The following VWA8 variants were observed in gnomAD, a reference collection of about 807,000 sequenced individuals.
The protein encoded by VWA8 is von Willebrand factor A domain-containing protein 8.
A neutral mutation model predicts 241.5 loss-of-function variants in VWA8; 221 were observed. The observed-to-expected ratio is 0.91, with a 90% CI of 0.82 to 1.02. VWA8 has a LOEUF of 1.02. VWA8 is among the 50% of genes least tolerant of loss of function. The pLI is 0.00. For synonymous variants in VWA8, 852 were observed against 827.1 expected (o/e 1.03, Z -0.52); for missense variants, 2,322 against 2,328.7 (o/e 1.00, Z 0.06).
rs918209245 is a variant in VWA8, at chr13:41,891,552, G to C, written c.519C>G (p.Leu173=). The C allele has an allele frequency of 6.2e-7, 1 of 1,614,026 alleles. No homozygotes were observed. The highest frequency in any genetic ancestry group is 1.3e-5 in the African/African-American group (1 of 74,934). The part of the protein sequence containing the change: ...AVRAATEGRT[L]ILEGLEKAER... ...CTGCCTTTTCCAAACCTTCCAAAATGAGAGTTCTGCCTTCTGTGGCTGCAC... is the reference window on the plus strand; with the variant it reads ...CTGCCTTTTCCAAACCTTCCAAAATCAGAGTTCTGCCTTCTGTGGCTGCAC... The change falls in exon 5 of 45, where the codon CTC becomes CTG. Residue 173 remains leucine (L), a synonymous_variant. Transcript: ENST00000379310.
At chr13:41,690,019 T>C (rs1316685110) in intron 33 of VWA8, 147 bp downstream of exon 33, 1 of 564,088 alleles carries the variant, frequency 1.8e-6, no homozygotes, top group African/African-American at 1.9e-5. Context: ...TAGATTCTTA[T>C]TTACTATTTC....
intron 20 of VWA8, among the ~76,000 whole-genome samples, chr13:41,771,724 G>A (rs1457968127): frequency 6.6e-6 from 1 of 151,714 alleles, no homozygotes; most frequent in African/African-American, 2.4e-5. Context: ...GACTACAGGT[G>A]CATGCCACCA....
Position 41,573,506 on chromosome 13 carries a change from T to C in VWA8, c.5370+2234A>G, listed in dbSNP as rs868288557. On this transcript the variant is annotated intron_variant, in intron 43 of 44. Transcript: ENST00000379310. ...AAAAAAATATATATATATATATATA[T>C]ACCTCTCTCTATATATACGTGTATA... is the stretch of plus-strand genomic sequence containing the variant. 2.7e-4 allele frequency among the ~76,000 whole-genome samples: 38 copies of C among 141,638 alleles called. 1 individual carries two copies. The highest frequency in any genetic ancestry group is 5.6e-4 in the African/African-American group (21 of 37,390). The allele number at this position is 141,638 out of a possible 152,430, so 92.9% of individuals were successfully genotyped here. A position where few individuals can be genotyped will look rare whatever the true frequency, so the allele number is the denominator to read the frequency against.
At chr13:41,777,932 T>A in intron 20 of VWA8, 53 bp downstream of exon 20, 1 of 1,459,324 alleles carries the variant, frequency 6.9e-7, no homozygotes, top group Non-Finnish European at 9.4e-7. Flanking sequence ...TTACTGCTTT[T>A]AAATTGTTAC....
chr13:41,671,622 G>A (rs1486598905), intron 36 of VWA8, among the ~76,000 whole-genome samples: 1 of 152,056 alleles, frequency 6.6e-6, no homozygotes, highest in Non-Finnish European at 1.5e-5. Flanking sequence ...ACTTTTGGAG[G>A]TAGTTAGGCT....
intron 26 of VWA8, among the ~76,000 whole-genome samples, chr13:41,717,830 AT>A (rs768899584): frequency 5.9e-5 from 9 of 152,024 alleles, no homozygotes; most frequent in Non-Finnish European, 1.0e-4. Context: ...GCTTAAGTCT[AT>A]TTCTAGCTAT....
At chr13:41,626,699 A>C (rs1049909769) in intron 37 of VWA8, among the ~76,000 whole-genome samples, 1 of 152,154 alleles carries the variant, frequency 6.6e-6, no homozygotes, top group Admixed American at 6.6e-5. Context: ...ATGGTGCTGG[A>C]ATAACTGGCT....
chr13:41,623,704 G>A (rs192028436), intron 37 of VWA8, among the ~76,000 whole-genome samples: 1 of 152,236 alleles, frequency 6.6e-6, no homozygotes, highest in Non-Finnish European at 1.5e-5. Flanking sequence ...TATGTGTGTG[G>A]TGCATCTAGT....
intron 43 of VWA8, among the ~76,000 whole-genome samples, chr13:41,574,281 T>C (rs908355765): frequency 6.6e-6 from 1 of 151,392 alleles, no homozygotes; most frequent in African/African-American, 2.4e-5. Context: ...ATGCCAACAA[T>C]GACCAAGCTG....
intron 40 of VWA8, among the ~76,000 whole-genome samples, chr13:41,604,017 G>A (rs932474665): frequency 1.3e-5 from 2 of 152,026 alleles, no homozygotes; most frequent in African/African-American, 2.4e-5. Context: ...GGTGTGCATC[G>A]AGAACTTAAG....
chr13:41,876,845 T>C (rs532581884), intron 9 of VWA8, among the ~76,000 whole-genome samples: 1 of 152,172 alleles, frequency 6.6e-6, no homozygotes, highest in African/African-American at 2.4e-5. Flanking sequence ...GCAGTTCTGC[T>C]TCTATCTCTA....
At chr13:41,731,999 A>C in intron 22 of VWA8, 81 bp downstream of exon 22, 1 of 1,195,260 alleles carries the variant, frequency 8.4e-7, no homozygotes, top group Non-Finnish European at 1.2e-6. Context: ...GTAATCCATG[A>C]GAGTTCCATC....
At chr13:41,751,078 C>G (rs1229962978) in intron 21 of VWA8, among the ~76,000 whole-genome samples, 1 of 151,792 alleles carries the variant, frequency 6.6e-6, no homozygotes, top group Non-Finnish European at 1.5e-5. Context: ...TAAGAAGTTA[C>G]AGTTTGAAAA....
At chr13:41,752,313 A>G (rs896763487) in intron 21 of VWA8, among the ~76,000 whole-genome samples, 1 of 152,082 alleles carries the variant, frequency 6.6e-6, no homozygotes, top group African/African-American at 2.4e-5. Context: ...ACCTTCTACC[A>G]TATCACAGAC....
intron 2 of VWA8, among the ~76,000 whole-genome samples, chr13:41,932,794 A>C (rs2138142597): frequency 6.6e-6 from 1 of 151,974 alleles, no homozygotes. Flanking sequence ...AACTCTAAGC[A>C]AACTATGAAT....
intron 3 of VWA8, among the ~76,000 whole-genome samples, chr13:41,908,677 C>T (rs1875843360): frequency 2.0e-5 from 3 of 152,128 alleles, no homozygotes; most frequent in African/African-American, 7.2e-5. Context: ...GAAGAGGAAA[C>T]GATGCAGAAT....
chr13:41,893,299 T>A (rs1874934172), intron 4 of VWA8, among the ~76,000 whole-genome samples: 1 of 152,180 alleles, frequency 6.6e-6, no homozygotes, highest in South Asian at 2.1e-4. Context: ...ATTTCAAGTG[T>A]CTACATAATG....
intron 2 of VWA8, among the ~76,000 whole-genome samples, chr13:41,924,880 A>G (rs1876755381): frequency 6.6e-6 from 1 of 150,744 alleles, no homozygotes; most frequent in African/African-American, 2.5e-5. Flanking sequence ...TCATTTCCCA[A>G]GTATTGGAAG....
intron 28 of VWA8, among the ~76,000 whole-genome samples, chr13:41,700,219 T>C (rs2045240758): frequency 6.6e-6 from 1 of 152,158 alleles, no homozygotes; most frequent in African/African-American, 2.4e-5. Context: ...AATTTGGGAC[T>C]ACCCTGGAAA....
Sources: allele counts gnomAD v4.1 joint callset (sites outside exome capture counted in the v4.1 genomes callset), GRCh38; gene constraint gnomAD v4.1.1; transcripts MANE v1.5; gene names NCBI Gene and HGNC (gene_info 2026-07-23, HGNC 2026-07-21).